Variants in NOMO2 observed in about 807,000 individuals in gnomAD.
NOMO2 encodes the protein BOS complex subunit NOMO2.
NOMO2 carries 14 observed loss-of-function variants against 67.1 expected under a neutral mutation model. The observed-to-expected ratio is 0.21, with a 90% CI of 0.14 to 0.33. The LOEUF (loss-of-function observed/expected upper bound fraction) is 0.33, where lower values mean the gene tolerates loss of function less well. NOMO2 is among the 10% of genes least tolerant of loss of function. The pLI, the probability that NOMO2 is intolerant of heterozygous loss-of-function variation, is 1.00. For synonymous variants in NOMO2, 80 were observed against 305.9 expected, an observed-to-expected ratio of 0.26 and a Z score of 7.71; for missense variants, 178 against 761.0, an observed-to-expected ratio of 0.23 and a Z score of 9.01.
chr16:18,552,960 G>A (rs1478338746), intron 3 of NOMO2, among the ~76,000 whole-genome samples: 2 of 152,036 alleles, frequency 1.3e-5, no homozygotes, highest in Non-Finnish European at 2.9e-5. Context: ...AGAGATCACT[G>A]ATACAAAATA....
intron 16 of NOMO2, 145 bp downstream of exon 16, chr16:18,527,392 G>T: frequency 1.6e-6 from 1 of 607,492 alleles, no homozygotes; most frequent in Non-Finnish European, 3.0e-6. Context: ...ACCCAAGACA[G>T]ACAGAAAAAC....
chr16:18,550,749 C>G lies in NOMO2; in HGVS notation c.402+690G>C, dbSNP rs71238318. ...TAGGTAAGTGTCGGAAGCAGATGCACGCTCTCTCTGGGAGAAGCTGACTTC... is the reference window on the plus strand; with the variant it reads ...TAGGTAAGTGTCGGAAGCAGATGCAGGCTCTCTCTGGGAGAAGCTGACTTC... On this transcript the variant is annotated intron_variant, in intron 4 of 30. Coordinates refer to ENST00000622306, the MANE Select transcript of NOMO2 (RefSeq NM_173614.4). Among the ~76,000 whole-genome samples, 4 of 152,182 alleles carry G rather than the reference C, an allele frequency of 2.6e-5. 1 individual carries two copies. The East Asian group carries it at 7.7e-4, about 29-fold the overall frequency.
At chr16:18,531,724 G>A in intron 12 of NOMO2, 117 bp from the exon 13 acceptor site, 2 of 1,550,430 alleles carry the variant, frequency 1.3e-6, no homozygotes, top group Non-Finnish European at 1.7e-6. Context: ...AAGGCCAAAG[G>A]TTCGTTTCCA....
chr16:18,560,801 A>G (rs1272435946), intron 1 of NOMO2, among the ~76,000 whole-genome samples: 1 of 151,492 alleles, frequency 6.6e-6, no homozygotes, highest in Non-Finnish European at 1.5e-5. Context: ...CCCTCCCCCA[A>G]TCCTCAGCAG....
chr16:18,555,636 C>G (rs1901886761), intron 2 of NOMO2, among the ~76,000 whole-genome samples: 1 of 150,072 alleles, frequency 6.7e-6, no homozygotes, highest in Non-Finnish European at 1.5e-5. Context: ...TGAGATGGAG[C>G]CTCGCTCTGT....
chr16:18,535,142 C>G (rs1246029745), intron 11 of NOMO2, among the ~76,000 whole-genome samples: 1 of 127,236 alleles, frequency 7.9e-6, no homozygotes, highest in African/African-American at 2.8e-5. Context: ...CGAGACCAGC[C>G]TAGCCAACAC....
At chr16:18,552,818 G>A (rs1901818979) in intron 3 of NOMO2, among the ~76,000 whole-genome samples, 1 of 151,978 alleles carries the variant, frequency 6.6e-6, no homozygotes, top group African/African-American at 2.4e-5. Context: ...ATGGCTCAGC[G>A]ACTTTACTCC....
chr16:18,531,412 C>G (rs1372692702), intron 13 of NOMO2, 54 bp downstream of exon 13: 1 of 1,613,334 alleles, frequency 6.2e-7, no homozygotes. Flanking sequence ...AATCCCACTC[C>G]TACTGGCTGA....
At chr16:18,507,515 C>A (rs1901013797) in intron 28 of NOMO2, among the ~76,000 whole-genome samples, 1 of 54,494 alleles carries the variant, frequency 1.8e-5, no homozygotes, top group African/African-American at 7.9e-5. Flanking sequence ...TGCATGAGGC[C>A]CGCGGCTGCT....
chr16:18,535,999 T>C (rs900760609), intron 11 of NOMO2, among the ~76,000 whole-genome samples: 1 of 152,048 alleles, frequency 6.6e-6, no homozygotes, highest in Admixed American at 6.6e-5. Flanking sequence ...GGTTTCACCA[T>C]GCTGGCCAGG....
rs145854112 is a variant in NOMO2, at chr16:18,531,728, G to A, written c.1396-121C>T. ...AAGAGATTTTGAAGGCCAAAGGTTC[G>A]TTTCCAGGCCAATTTTACAATCACA... On this transcript the variant is annotated intron_variant, in intron 12 of 30. Transcript: ENST00000622306. 1.8e-4 allele frequency: 271 copies of A among 1,541,640 alleles called. 1 individual carries two copies. The highest frequency in any genetic ancestry group is 1.5e-3 in the African/African-American group (109 of 73,070).
intron 1 of NOMO2, 78 bp downstream of exon 1, chr16:18,561,798 A>G: frequency 6.8e-7 from 1 of 1,469,708 alleles, no homozygotes; most frequent in Non-Finnish European, 9.1e-7. Context: ...CCGGTGTCAG[A>G]GACGAGGCCA....
At chr16:18,561,855 G>A (rs1198334815) in intron 1 of NOMO2, 21 bp downstream of exon 1, 6 of 1,546,508 alleles carry the variant, frequency 3.9e-6, no homozygotes, top group Non-Finnish European at 5.2e-6. Flanking sequence ...CTCGGCGCCG[G>A]GCGGCGGGGC....
intron 2 of NOMO2, among the ~76,000 whole-genome samples, chr16:18,556,723 T>A (rs1325202127): frequency 2.0e-5 from 3 of 152,156 alleles, no homozygotes; most frequent in African/African-American, 7.2e-5. Context: ...TGGATACATA[T>A]CGATGTGCAT....
chr16:18,550,434 AG>A (rs1479840159), intron 4 of NOMO2, among the ~76,000 whole-genome samples: 4 of 151,282 alleles, frequency 2.6e-5, no homozygotes, highest in African/African-American at 9.7e-5. Context: ...CCATCGATAA[AG>A]AAAAAACTAC....
chr16:18,526,247 A>G (rs1292025335), intron 16 of NOMO2, among the ~76,000 whole-genome samples: 6 of 152,128 alleles, frequency 3.9e-5, no homozygotes, highest in African/African-American at 7.2e-5. Context: ...CAAGATGACT[A>G]TAATAAAACA....
At chr16:18,551,153 A>G (rs1302090497) in intron 4 of NOMO2, among the ~76,000 whole-genome samples, 2 of 151,998 alleles carry the variant, frequency 1.3e-5, no homozygotes. Flanking sequence ...CAGCCTGGGC[A>G]ATAGAGCAAG....
chr16:18,529,432 T>G (rs368432370), intron 15 of NOMO2, 69 bp downstream of exon 15: 3 of 1,611,484 alleles, frequency 1.9e-6, no homozygotes. Context: ...ATTCCTGGGA[T>G]GTTAGTCTTT....
At chr16:18,539,856 C>CT (rs1318793991) in intron 9 of NOMO2, among the ~76,000 whole-genome samples, 2 of 152,148 alleles carry the variant, frequency 1.3e-5, no homozygotes, top group African/African-American at 4.8e-5. Context: ...CTGTGCCCCA[C>CT]TTGCCTGTGA....
Sources: gnomAD v4.1 joint callset for allele counts (sites outside exome capture counted in the v4.1 genomes callset) on GRCh38, gnomAD v4.1.1 for gene constraint, MANE v1.5 for transcripts, NCBI Gene and HGNC (gene_info 2026-07-23, HGNC 2026-07-21) for gene names.